Variants in ANO6 observed in about 807,000 individuals in gnomAD.
The protein encoded by ANO6 is anoctamin 6.
Under a neutral mutation model 117.5 loss-of-function variants are expected in ANO6, and 106 were observed. The observed-to-expected ratio is 0.90, with a 90% confidence interval of 0.77 to 1.06. The LOEUF (loss-of-function observed/expected upper bound fraction) is 1.06. ANO6 is among the 50% of genes least tolerant of loss of function. The pLI is 0.00. For missense variants in ANO6, 955 were observed against 1,121.1 expected (o/e 0.85, Z 2.12); for synonymous variants, 367 against 385.1 (o/e 0.95, Z 0.55).
chr12:45,325,784 AATATAT>A lies in ANO6; in HGVS notation c.151-5504_151-5499del, dbSNP rs566844030. ...AGTCTGTGGGAAAACAGGAAAGCCA[AATATAT>A]ATATATTTAGTCATGCTAATGAAAA... is the stretch of plus-strand genomic sequence containing the variant. On this transcript the variant is annotated intron_variant, in intron 2 of 19. Coordinates refer to ENST00000320560, the MANE Select transcript of ANO6 (RefSeq NM_001025356.3). Among the ~76,000 whole-genome samples the A allele has an allele frequency of 2.6e-5, 4 of 152,074 alleles. No individual in the cohort carries two copies. In the East Asian group the frequency reaches 7.7e-4, roughly 29 times the overall value.
chr12:45,253,361 T>C (rs1937693544), intron 1 of ANO6, among the ~76,000 whole-genome samples: 1 of 152,192 alleles, frequency 6.6e-6, no homozygotes, highest in Admixed American at 6.5e-5. Flanking sequence ...GAAAATAGAA[T>C]TCAGAATTCT....
chr12:45,439,260 G>T lies in ANO6; in HGVS notation c.2527-415G>T, dbSNP rs1020240200. ...AGCCTACTAGAGTGGGCTGATGCCA[G>T]CGCTTAATCACAGGTCACACAGAGG... On this transcript the variant is annotated intron_variant, in intron 19 of 19. Transcript: ENST00000425752. Among the ~76,000 whole-genome samples the T allele has an allele frequency of 3.7e-4, 57 of 152,174 alleles. 1 individual carries two copies. The highest frequency in any genetic ancestry group is 1.4e-3 in the African/African-American group (56 of 41,448).
At chr12:45,349,398 ACTT>A (rs1252554022) in intron 6 of ANO6, among the ~76,000 whole-genome samples, 1 of 152,218 alleles carries the variant, frequency 6.6e-6, no homozygotes, top group Non-Finnish European at 1.5e-5. Context: ...ATTCAAGAGT[ACTT>A]CTCTAGCCGA....
chr12:45,390,625 G>A (rs868466414), intron 12 of ANO6, 127 bp downstream of exon 12: 2 of 833,516 alleles, frequency 2.4e-6, no homozygotes, highest in East Asian at 2.7e-5. Flanking sequence ...TGGTCTCAGA[G>A]AGACAGACAG....
chr12:45,298,035 T>C (rs1299899395), intron 1 of ANO6, among the ~76,000 whole-genome samples: 2 of 152,322 alleles, frequency 1.3e-5, no homozygotes, highest in Non-Finnish European at 2.9e-5. Context: ...TTGATGTTTG[T>C]TGAACCTGAT....
chr12:45,306,349 G>A (rs142705923), intron 2 of ANO6, among the ~76,000 whole-genome samples: 400 of 152,238 alleles, frequency 2.6e-3, no homozygotes, highest in Middle Eastern at 6.8e-3. Context: ...ATTTGGGATG[G>A]CAAAAGAGTA....
chr12:45,380,154 C>T (rs949905230), intron 10 of ANO6, among the ~76,000 whole-genome samples: 6 of 152,162 alleles, frequency 3.9e-5, no homozygotes, highest in South Asian at 2.1e-4. Context: ...AAATCATATA[C>T]GTACCTTAAA....
intron 10 of ANO6, among the ~76,000 whole-genome samples, chr12:45,379,148 G>A (rs1942105919): frequency 6.6e-6 from 1 of 152,168 alleles, no homozygotes; most frequent in African/African-American, 2.4e-5. Context: ...GGAAGGCAGA[G>A]GAAAAAACTG....
rs372129759 is a variant in ANO6 at position 45,405,138 on chromosome 12, T to G, written c.1880+1602T>G. Among the ~76,000 whole-genome samples the G allele has an allele frequency of 5.5e-4, 84 of 152,240 alleles. No homozygotes were observed. In the East Asian group the frequency reaches 0.011, roughly 20 times the overall value. ...TACTCCGGAGAAAACAACCCTCACT[T>G]TCATTGAGCTCATATTCAGATTTTT... is the stretch of plus-strand genomic sequence containing the variant. On this transcript the variant is annotated intron_variant, in intron 15 of 19. Coordinates refer to ENST00000320560, the MANE Select transcript of ANO6 (RefSeq NM_001025356.3).
chr12:45,401,099 C>T (rs1252877265), intron 12 of ANO6, among the ~76,000 whole-genome samples: 1 of 152,148 alleles, frequency 6.6e-6, no homozygotes, highest in Admixed American at 6.5e-5. Flanking sequence ...CAAATGACTG[C>T]CAGTTTAAGG....
chr12:45,354,372 A>G (rs1322278327), intron 7 of ANO6, among the ~76,000 whole-genome samples: 1 of 152,214 alleles, frequency 6.6e-6, no homozygotes, highest in Non-Finnish European at 1.5e-5. Context: ...AACTCTATGT[A>G]TGCTCAAACT....
chr12:45,403,644 C>G, intron 15 of ANO6, 108 bp downstream of exon 15: 1 of 881,506 alleles, frequency 1.1e-6, no homozygotes, highest in Admixed American at 1.9e-5. Flanking sequence ...TGCATGTCCA[C>G]CTCTAAATGG....
At chr12:45,350,535 C>T (rs1186481142) in intron 6 of ANO6, 124 bp from the exon 7 acceptor site, 7 of 771,642 alleles carry the variant, frequency 9.1e-6, no homozygotes, top group Admixed American at 2.0e-5. Flanking sequence ...GGTATTTCCA[C>T]CCTTTCCAGA....
intron 1 of ANO6, among the ~76,000 whole-genome samples, chr12:45,300,257 T>C (rs1244118973): frequency 2.0e-5 from 3 of 152,214 alleles, no homozygotes; most frequent in Non-Finnish European, 4.4e-5. Context: ...TCACAGTCAC[T>C]GTAGCCTCAA....
At chr12:45,282,879 G>A (rs1938787241) in intron 1 of ANO6, among the ~76,000 whole-genome samples, 1 of 152,132 alleles carries the variant, frequency 6.6e-6, no homozygotes, top group Admixed American at 6.5e-5. Context: ...ATAGTTTGAG[G>A]TGTATCCTTC....
At chr12:45,375,757 A>G (rs1329997001) in intron 9 of ANO6, among the ~76,000 whole-genome samples, 1 of 151,264 alleles carries the variant, frequency 6.6e-6, no homozygotes, top group Non-Finnish European at 1.5e-5. Context: ...AAACCCTAGA[A>G]GAAAACCTAG....
intron 9 of ANO6, among the ~76,000 whole-genome samples, chr12:45,374,023 C>T (rs1256409114): frequency 1.3e-5 from 2 of 152,102 alleles, no homozygotes; most frequent in African/African-American, 4.8e-5. Flanking sequence ...AAGGGGATAT[C>T]ACCGCCGATC....
chr12:45,306,898 G>GA lies in ANO6; in HGVS notation c.150+4811dup, dbSNP rs777505887. Among the ~76,000 whole-genome samples, 13 of 152,162 alleles carry GA rather than the reference G, an allele frequency of 8.5e-5. No homozygotes were observed. The South Asian group carries it at 2.5e-3, about 29-fold the overall frequency. ...AATATCTCACTGAGAAGTTCCAAGT[G>GA]AAAAAACCTCAAGGTGCTGCTGGAG... is the stretch of plus-strand genomic sequence containing the variant. On this transcript the variant is annotated intron_variant, in intron 2 of 19. Transcript: ENST00000320560.
At chr12:45,418,672 C>A (rs1943275537) in intron 17 of ANO6, among the ~76,000 whole-genome samples, 1 of 152,124 alleles carries the variant, frequency 6.6e-6, no homozygotes, top group Non-Finnish European at 1.5e-5. Flanking sequence ...TCCCAGCATC[C>A]ATGCCATGGC....
Sources: allele counts gnomAD v4.1 joint callset (sites outside exome capture counted in the v4.1 genomes callset), GRCh38; gene constraint gnomAD v4.1.1; transcripts MANE v1.5; gene names NCBI Gene and HGNC (gene_info 2026-07-23, HGNC 2026-07-21).